Variants in RAD51B observed in about 807,000 individuals in gnomAD.
RAD51B encodes the protein DNA repair protein RAD51 homolog 2.
In RAD51B, 38 loss-of-function variants were observed where a neutral mutation model predicts 42.2. The observed-to-expected ratio is 0.90, with a 90% CI of 0.70 to 1.18. The LOEUF (loss-of-function observed/expected upper bound fraction) is 1.18. RAD51B is among the 50% of genes most tolerant of loss of function. The pLI is 0.00. For missense variants in RAD51B, 373 were observed against 400.7 expected, an observed-to-expected ratio of 0.93 and a Z score of 0.59; for synonymous variants, 154 against 145.2, an observed-to-expected ratio of 1.06 and a Z score of -0.43.
chr14:68,315,227 T>C (rs1228154986), intron 8 of RAD51B, among the ~76,000 whole-genome samples: 1 of 152,190 alleles, frequency 6.6e-6, no homozygotes, highest in Non-Finnish European at 1.5e-5. Flanking sequence ...TATTTCACAT[T>C]AGGAGGAGAG....
chr14:68,660,163 C>G (rs763499606), intron 11 of RAD51B, among the ~76,000 whole-genome samples: 9 of 152,234 alleles, frequency 5.9e-5, no homozygotes, highest in Non-Finnish European at 1.2e-4. Context: ...CACCACCACT[C>G]AGTTTCAGCT....
At chr14:68,020,312 A>G (rs574495512) in intron 7 of RAD51B, among the ~76,000 whole-genome samples, 51 of 151,820 alleles carry the variant, frequency 3.4e-4, no homozygotes, top group African/African-American at 1.2e-3. Flanking sequence ...GGGTTTCGCT[A>G]TTTGCCCAGG....
intron 4 of RAD51B, among the ~76,000 whole-genome samples, chr14:67,839,144 C>G (rs55999745): frequency 0.33 from 50,554 of 151,800 alleles, 8,812 homozygotes; most frequent in Middle Eastern, 0.45. Context: ...CTGTAATTTT[C>G]CTTTTAGTAG....
intron 7 of RAD51B, among the ~76,000 whole-genome samples, chr14:67,894,960 G>C (rs1161623873): frequency 2.0e-5 from 3 of 152,026 alleles, no homozygotes; most frequent in African/African-American, 7.2e-5. Context: ...ATTTTTAGTA[G>C]AGACAGGTCT....
intron 8 of RAD51B, among the ~76,000 whole-genome samples, chr14:68,381,116 T>G (rs1209388438): frequency 6.6e-6 from 1 of 152,238 alleles, no homozygotes; most frequent in Non-Finnish European, 1.5e-5. Context: ...ATTGTCAAAT[T>G]TAGCTGCTGG....
At chr14:68,467,193 G>T (rs2086007438) in intron 9 of RAD51B, among the ~76,000 whole-genome samples, 1 of 152,306 alleles carries the variant, frequency 6.6e-6, no homozygotes, top group Middle Eastern at 3.4e-3. Flanking sequence ...AACCATATGA[G>T]ATGTGATAAT....
At chr14:68,386,613 T>C (rs1205159414) in intron 8 of RAD51B, among the ~76,000 whole-genome samples, 1 of 152,210 alleles carries the variant, frequency 6.6e-6, no homozygotes, top group East Asian at 1.9e-4. Flanking sequence ...GTCTCTGCCC[T>C]GATAGTGCCT....
intron 7 of RAD51B, among the ~76,000 whole-genome samples, chr14:68,053,607 G>A (rs1040750189): frequency 1.3e-5 from 2 of 152,184 alleles, no homozygotes; most frequent in Non-Finnish European, 2.9e-5. Flanking sequence ...GGAAGTGATT[G>A]CTTCTCTCCA....
intron 4 of RAD51B, among the ~76,000 whole-genome samples, chr14:67,845,985 CT>C (rs1333119529): frequency 7.9e-5 from 12 of 152,292 alleles, no homozygotes; most frequent in Admixed American, 6.5e-4. Flanking sequence ...TCTCTGGGCC[CT>C]TCAGGTTAGG....
intron 7 of RAD51B, among the ~76,000 whole-genome samples, chr14:67,959,985 T>G (rs1157090102): frequency 6.6e-6 from 1 of 151,912 alleles, no homozygotes; most frequent in Non-Finnish European, 1.5e-5. Flanking sequence ...CTTGGGAGGC[T>G]GAGGCAGGAG....
At chr14:68,619,082 C>T (rs995053802) in intron 10 of RAD51B, among the ~76,000 whole-genome samples, 3 of 152,218 alleles carry the variant, frequency 2.0e-5, no homozygotes, top group Non-Finnish European at 2.9e-5. Flanking sequence ...TAGGGCTTAA[C>T]ACACAAGGGA....
chr14:68,262,641 A>G (rs1293799133), intron 7 of RAD51B, among the ~76,000 whole-genome samples: 1 of 152,094 alleles, frequency 6.6e-6, no homozygotes, highest in East Asian at 1.9e-4. Flanking sequence ...CTTGGTAGTG[A>G]TGGGGTTCAG....
chr14:68,303,632 A>C (rs2081796434), intron 8 of RAD51B, among the ~76,000 whole-genome samples: 1 of 152,144 alleles, frequency 6.6e-6, no homozygotes, highest in African/African-American at 2.4e-5. Context: ...GTTAGCCCTA[A>C]ACTTCTTAAA....
intron 7 of RAD51B, among the ~76,000 whole-genome samples, chr14:67,888,115 G>T (rs898593801): frequency 2.6e-5 from 4 of 152,092 alleles, no homozygotes; most frequent in Admixed American, 6.6e-5. Flanking sequence ...AGCCTTTGAG[G>T]TTTATAAAAC....
At chr14:68,210,822 G>A (rs752350656) in intron 7 of RAD51B, among the ~76,000 whole-genome samples, 1 of 152,054 alleles carries the variant, frequency 6.6e-6, no homozygotes, top group Admixed American at 6.6e-5. Flanking sequence ...AGCTGTTCAC[G>A]ATATGGTCGC....
chr14:68,669,381 A>G (rs2140153096), intron 11 of RAD51B, among the ~76,000 whole-genome samples: 1 of 152,308 alleles, frequency 6.6e-6, no homozygotes, highest in Admixed American at 6.5e-5. Flanking sequence ...CGTAGGCCAC[A>G]TCTAGAGAGG....
chr14:68,339,632 T>C, intron 8 of RAD51B: 1 of 218,208 alleles, frequency 4.6e-6, no homozygotes, highest in Non-Finnish European at 8.9e-6. Context: ...TATTTTCGCC[T>C]TTAAAGAAGG....
chr14:68,039,766 C>T (rs747309751), intron 7 of RAD51B, among the ~76,000 whole-genome samples: 1 of 152,192 alleles, frequency 6.6e-6, no homozygotes. Flanking sequence ...TATGCTGTTT[C>T]CTACTCACCT....
chr14:68,427,766 T>C (rs1214149269), intron 9 of RAD51B, among the ~76,000 whole-genome samples: 2 of 152,228 alleles, frequency 1.3e-5, no homozygotes, highest in Non-Finnish European at 1.5e-5. Context: ...GTTAACACTT[T>C]GCAGCTATTG....
Sources: gnomAD v4.1 joint callset for allele counts (sites outside exome capture counted in the v4.1 genomes callset) on GRCh38, gnomAD v4.1.1 for gene constraint, MANE v1.5 for transcripts, NCBI Gene and HGNC (gene_info 2026-07-23, HGNC 2026-07-21) for gene names.